RAI14: variants seen among roughly 807,000 people sequenced by gnomAD.
RAI14 encodes the protein ankycorbin.
Under a neutral mutation model 115.4 loss-of-function variants are expected in RAI14, and 45 were observed. That is an observed-to-expected ratio of 0.39 (90% CI 0.31 to 0.50). The LOEUF (loss-of-function observed/expected upper bound fraction) is 0.50. RAI14 is among the 20% of genes least tolerant of loss of function. The probability of loss-of-function intolerance (pLI) is 0.85; values close to 1 mark genes in which losing one functional copy is unlikely to be tolerated. For synonymous variants in RAI14, 371 were observed against 415.4 expected (o/e 0.89, Z 1.30); for missense variants, 939 against 1,131.2 (o/e 0.83, Z 2.44).
chr5:34,706,127 A>AT (rs1360948256), intron 2 of RAI14, among the ~76,000 whole-genome samples: 2 of 152,296 alleles, frequency 1.3e-5, no homozygotes, highest in African/African-American at 4.8e-5. Flanking sequence ...TGGCATAGGA[A>AT]TGTAATTGTT....
intron 1 of RAI14, among the ~76,000 whole-genome samples, chr5:34,684,099 T>C (rs1345938468): frequency 6.6e-6 from 1 of 152,140 alleles, no homozygotes; most frequent in Non-Finnish European, 1.5e-5. Flanking sequence ...CCAGCGACAG[T>C]TGGGGAATAT....
intron 1 of RAI14, among the ~76,000 whole-genome samples, chr5:34,671,795 A>C (rs1743638587): frequency 6.6e-6 from 1 of 152,164 alleles, no homozygotes; most frequent in Admixed American, 6.6e-5. Flanking sequence ...TTTACAGTGC[A>C]TCTCAATTTG....
chr5:34,776,200 T>C (rs1750813222), intron 3 of RAI14, among the ~76,000 whole-genome samples: 1 of 152,176 alleles, frequency 6.6e-6, no homozygotes, highest in African/African-American at 2.4e-5. Flanking sequence ...TCTCACTTAT[T>C]TGTGGGAGCT....
intron 3 of RAI14, among the ~76,000 whole-genome samples, chr5:34,787,034 T>C (rs11958112): frequency 0.025 from 3,836 of 152,320 alleles, 170 homozygotes; most frequent in African/African-American, 0.087. Context: ...GCTCATGCTA[T>C]TGTTTGTGGT....
At chr5:34,820,326 T>C (rs1756691219) in intron 13 of RAI14, among the ~76,000 whole-genome samples, 1 of 152,182 alleles carries the variant, frequency 6.6e-6, no homozygotes, top group African/African-American at 2.4e-5. Context: ...ACACCTGTAA[T>C]CCCAGCACTT....
intron 2 of RAI14, among the ~76,000 whole-genome samples, chr5:34,709,408 A>G (rs1274955296): frequency 6.6e-6 from 1 of 152,174 alleles, no homozygotes; most frequent in Non-Finnish European, 1.5e-5. Context: ...AGATCATGCC[A>G]CTGCACTCCA....
intron 10 of RAI14, among the ~76,000 whole-genome samples, chr5:34,813,274 T>C (rs1755816630): frequency 6.6e-6 from 1 of 152,212 alleles, no homozygotes; most frequent in African/African-American, 2.4e-5. Context: ...TGGCTGTGAT[T>C]GTATTCTGGA....
intron 2 of RAI14, among the ~76,000 whole-genome samples, chr5:34,751,934 C>T (rs1469144984): frequency 1.3e-5 from 2 of 152,116 alleles, no homozygotes; most frequent in African/African-American, 4.8e-5. Context: ...TCCAGTTGTC[C>T]TCAAGTTAGC....
chr5:34,736,250 A>G (rs1464045890), intron 2 of RAI14, among the ~76,000 whole-genome samples: 8 of 152,116 alleles, frequency 5.3e-5, no homozygotes, highest in Non-Finnish European at 1.0e-4. Context: ...AAACTACAAA[A>G]ATTAGCTGGG....
At chr5:34,690,883 CT>C (rs1016908230) in intron 2 of RAI14, among the ~76,000 whole-genome samples, 9 of 151,938 alleles carry the variant, frequency 5.9e-5, no homozygotes, top group Non-Finnish European at 1.3e-4. Flanking sequence ...TGGTTGTTGT[CT>C]TTAAAAGGTT....
intron 1 of RAI14, 92 bp downstream of exon 1, chr5:34,656,567 G>T (rs1742274707): frequency 6.6e-6 from 1 of 152,530 alleles, no homozygotes; most frequent in East Asian, 2.0e-4. Context: ...CGCGGGAGGC[G>T]CTGGGGACGG....
At chr5:34,777,170 GACA>G (rs774795618) in intron 3 of RAI14, among the ~76,000 whole-genome samples, 5 of 151,866 alleles carry the variant, frequency 3.3e-5, no homozygotes, top group Admixed American at 2.6e-4. Context: ...TATCTCAAGA[GACA>G]ACAACAACAA....
intron 3 of RAI14, among the ~76,000 whole-genome samples, chr5:34,785,534 A>G (rs1316007743): frequency 6.6e-6 from 1 of 152,106 alleles, no homozygotes; most frequent in Non-Finnish European, 1.5e-5. Context: ...GACTACTTTG[A>G]TATACTTCAG....
chr5:34,672,093 T>C (rs1743657082), intron 1 of RAI14, among the ~76,000 whole-genome samples: 1 of 152,166 alleles, frequency 6.6e-6, no homozygotes, highest in Non-Finnish European at 1.5e-5. Context: ...TAATGGACAT[T>C]TGAGTTTTGG....
chr5:34,708,246 A>G (rs376844726), intron 2 of RAI14, among the ~76,000 whole-genome samples: 54 of 145,600 alleles, frequency 3.7e-4, no homozygotes, highest in African/African-American at 1.2e-3. Flanking sequence ...CTTGTTGCCC[A>G]GGCTGGGGTG....
In RAI14 at chr5:34,824,799, C is replaced by T. The variant is rs572577006; in HGVS notation, c.2649+308C>T. ...TCTCTACTAAAAATACAAAAATTAG[C>T]TGGGCGTGGTGGCACACGCCTGTAA... On this transcript the variant is annotated intron_variant, in intron 15 of 17. Transcript: ENST00000265109. Among the ~76,000 whole-genome samples the T allele has an allele frequency of 8.9e-4, 136 of 152,074 alleles. 1 individual carries two copies. The South Asian group carries it at 9.4e-3, about 10-fold the overall frequency.
chr5:34,746,372 T>A (rs1318571838), intron 2 of RAI14, among the ~76,000 whole-genome samples: 1 of 148,958 alleles, frequency 6.7e-6, no homozygotes, highest in Non-Finnish European at 1.5e-5. Flanking sequence ...CCCAAAGTGC[T>A]GGGATTACAG....
At chr5:34,797,139 A>G (rs1230645514) in intron 4 of RAI14, among the ~76,000 whole-genome samples, 1 of 152,038 alleles carries the variant, frequency 6.6e-6, no homozygotes, top group Non-Finnish European at 1.5e-5. Context: ...TCATTTTTCG[A>G]TTGTACTCGA....
At chr5:34,705,364 A>C (rs1016769077) in intron 2 of RAI14, among the ~76,000 whole-genome samples, 4 of 152,196 alleles carry the variant, frequency 2.6e-5, no homozygotes, top group Admixed American at 6.5e-5. Flanking sequence ...TGAAATCATC[A>C]TATTTTGCCT....
Sources: gnomAD v4.1 joint callset for allele counts (sites outside exome capture counted in the v4.1 genomes callset) on GRCh38, gnomAD v4.1.1 for gene constraint, MANE v1.5 for transcripts, NCBI Gene and HGNC (gene_info 2026-07-23, HGNC 2026-07-21) for gene names.